The following NFXL1 variants were observed in gnomAD, a reference collection of about 807,000 sequenced individuals.
NFXL1 encodes the protein NF-X1-type zinc finger protein NFXL1.
Under a neutral mutation model 123.3 loss-of-function variants are expected in NFXL1, and 66 were observed. The ratio of observed to expected loss-of-function variants is 0.54; its 90% CI spans 0.44 to 0.66. The LOEUF is 0.66. NFXL1 is among the 30% of genes least tolerant of loss of function. The pLI is 0.00. For synonymous variants in NFXL1, 346 were observed against 360.8 expected (o/e 0.96, Z 0.46); for missense variants, 944 against 1,125.6 (o/e 0.84, Z 2.31).
chr4:47,891,166 T>C (rs1211852037), intron 11 of NFXL1, among the ~76,000 whole-genome samples: 2 of 150,686 alleles, frequency 1.3e-5, no homozygotes, highest in Admixed American at 1.3e-4. Flanking sequence ...GGTTAGAGTG[T>C]AATGGCACAG....
At chr4:47,895,806 T>C (rs1346790124) in intron 10 of NFXL1, among the ~76,000 whole-genome samples, 1 of 152,268 alleles carries the variant, frequency 6.6e-6, no homozygotes, top group Non-Finnish European at 1.5e-5. Context: ...ATTCACAACA[T>C]GGCTAATTGA....
At chr4:47,879,185 A>AGT in intron 15 of NFXL1, 68 bp from the exon 16 acceptor site, 2 of 639,488 alleles carry the variant, frequency 3.1e-6, no homozygotes, top group Non-Finnish European at 2.6e-6. Context: ...TAAAGATGCT[A>AGT]ACTCTACTAG....
intron 3 of NFXL1, among the ~76,000 whole-genome samples, chr4:47,905,629 A>T (rs997435900): frequency 4.6e-5 from 7 of 152,128 alleles, no homozygotes; most frequent in Non-Finnish European, 1.0e-4. Flanking sequence ...AATTTGGCAG[A>T]AGCAGAGCCA....
intron 19 of NFXL1, among the ~76,000 whole-genome samples, chr4:47,856,082 G>A (rs920462): frequency 0.73 from 111,553 of 151,876 alleles, 41,198 homozygotes; most frequent in South Asian, 0.76. Context: ...ATATATTTCT[G>A]TCTCTCCAAC....
Position 47,886,375 on chromosome 4 carries a change from C to CT in NFXL1, c.1544-377dup, listed in dbSNP as rs900593991. Among the ~76,000 whole-genome samples, 251 of 145,664 alleles carry CT rather than the reference C, an allele frequency of 1.7e-3. 1 individual carries two copies. Among genetic ancestry groups the CT allele is most frequent in the African/African-American group, 4.6e-3 (182 of 39,944 alleles). On this transcript the variant is annotated intron_variant, in intron 12 of 22. Coordinates refer to ENST00000507489, the MANE Select transcript of NFXL1 (RefSeq NM_001278624.2). ...TACTTTTTATTTGTAATACTTTTCT[C>CT]TTTTTTTTTTTGTAACAGGGTCTCA... is the stretch of plus-strand genomic sequence containing the variant.
chr4:47,912,193 C>A (rs1165114294), intron 2 of NFXL1, among the ~76,000 whole-genome samples: 1 of 152,136 alleles, frequency 6.6e-6, no homozygotes, highest in Admixed American at 6.5e-5. Context: ...GAAAAAAGAA[C>A]TGGCTATGAG....
intron 3 of NFXL1, among the ~76,000 whole-genome samples, chr4:47,906,104 T>TGAGCAGTTACTGCAGG (rs1181042166): frequency 1.3e-5 from 2 of 152,306 alleles, no homozygotes; most frequent in African/African-American, 2.4e-5. Context: ...TGCACTGCAG[T>TGAGCAGTTACTGCAGG]GAGCAGTTAC....
At chr4:47,875,530 A>C (rs1337098537) in intron 17 of NFXL1, among the ~76,000 whole-genome samples, 3 of 152,188 alleles carry the variant, frequency 2.0e-5, no homozygotes, top group African/African-American at 7.2e-5. Context: ...GAGCCTCATT[A>C]AGTCAAACTG....
At chr4:47,912,589 G>T (rs1737885660) in intron 2 of NFXL1, among the ~76,000 whole-genome samples, 1 of 149,778 alleles carries the variant, frequency 6.7e-6, no homozygotes, top group African/African-American at 2.4e-5. Flanking sequence ...CTCCCGAGTA[G>T]CTGGGACTAC....
intron 8 of NFXL1, among the ~76,000 whole-genome samples, chr4:47,898,300 A>G (rs962906551): frequency 6.6e-6 from 1 of 152,186 alleles, no homozygotes; most frequent in South Asian, 2.1e-4. Flanking sequence ...ACCAAAAAGT[A>G]TATTTTAAAA....
chr4:47,863,510 C>T (rs1734881167), intron 18 of NFXL1, among the ~76,000 whole-genome samples: 1 of 151,954 alleles, frequency 6.6e-6, no homozygotes, highest in Non-Finnish European at 1.5e-5. Flanking sequence ...GGTGAAAGCC[C>T]ATTTCCACTA....
At chr4:47,905,855 T>A (rs1211763544) in intron 3 of NFXL1, among the ~76,000 whole-genome samples, 1 of 152,122 alleles carries the variant, frequency 6.6e-6, no homozygotes. Flanking sequence ...AATAGCCACA[T>A]CTCATGAAAT....
intron 2 of NFXL1, among the ~76,000 whole-genome samples, chr4:47,912,757 C>A (rs1442285880): frequency 6.8e-6 from 1 of 145,990 alleles, no homozygotes; most frequent in African/African-American, 2.5e-5. Flanking sequence ...CGCGCCCGGA[C>A]AGAATGCTTG....
chr4:47,878,996 A>G, intron 16 of NFXL1, 100 bp downstream of exon 16: 1 of 730,896 alleles, frequency 1.4e-6, no homozygotes, highest in Non-Finnish European at 2.3e-6. Context: ...TAAAATAACA[A>G]TACTTTGACT....
intron 19 of NFXL1, among the ~76,000 whole-genome samples, chr4:47,858,966 C>G (rs1734571449): frequency 1.3e-5 from 2 of 152,110 alleles, no homozygotes; most frequent in African/African-American, 4.8e-5. Flanking sequence ...TATGTCATCT[C>G]AAAAGCCAGG....
At chr4:47,900,658 T>C (rs559673961) in intron 5 of NFXL1, among the ~76,000 whole-genome samples, 22 of 152,356 alleles carry the variant, frequency 1.4e-4, no homozygotes, top group African/African-American at 4.8e-4. Flanking sequence ...TAGATCATCA[T>C]AGATCAGTTC....
At chr4:47,871,649 G>A (rs1735441278) in intron 18 of NFXL1, among the ~76,000 whole-genome samples, 1 of 152,132 alleles carries the variant, frequency 6.6e-6, no homozygotes, top group Middle Eastern at 3.2e-3. Context: ...CACTGCCCAA[G>A]TTCATTACTA....
At chr4:47,896,064 A>T (rs1395322065) in intron 10 of NFXL1, among the ~76,000 whole-genome samples, 2 of 152,198 alleles carry the variant, frequency 1.3e-5, no homozygotes, top group Non-Finnish European at 2.9e-5. Flanking sequence ...CACACGCACA[A>T]CATTTAACCA....
chr4:47,873,676 A>C (rs1735575190), intron 18 of NFXL1, among the ~76,000 whole-genome samples: 1 of 152,322 alleles, frequency 6.6e-6, no homozygotes, highest in African/African-American at 2.4e-5. Flanking sequence ...GACTAGATTT[A>C]GCATAATTGT....
Sources: allele counts gnomAD v4.1 joint callset (sites outside exome capture counted in the v4.1 genomes callset), GRCh38; gene constraint gnomAD v4.1.1; transcripts MANE v1.5; gene names NCBI Gene and HGNC (gene_info 2026-07-23, HGNC 2026-07-21).